The following HECA variants were observed in gnomAD, a reference collection of about 807,000 sequenced individuals.
HECA encodes headcase protein homolog.
Under a neutral mutation model 37.6 loss-of-function variants are expected in HECA, and 13 were observed. That is an observed-to-expected ratio of 0.35 (90% confidence interval 0.23 to 0.55). The LOEUF (loss-of-function observed/expected upper bound fraction) is 0.55. Ranked by LOEUF, HECA falls within the 20% of genes least tolerant of loss-of-function variation. The pLI is 0.90. For missense variants in HECA, 527 were observed against 701.9 expected (o/e 0.75, Z 2.82); for synonymous variants, 307 against 291.5 (o/e 1.05, Z -0.54).
rs181657401 is a variant in HECA, at chr6:139,140,983, G to T, written c.271+5316G>T. 1.8e-3 allele frequency among the ~76,000 whole-genome samples: 274 copies of T among 152,236 alleles called. 3 individuals carry two copies. The highest frequency in any genetic ancestry group is 3.0e-3 in the Non-Finnish European group (201 of 68,024). On this transcript the variant is annotated intron_variant, in intron 1 of 3. Coordinates refer to ENST00000367658, the MANE Select transcript of HECA (RefSeq NM_016217.3). The stretch of plus-strand genomic sequence containing the variant: ...TTTTTTGTATTTTTAGTAGAGACAG[G>T]GTTTCTCCGTGTTAGCCAGGATGGT...
chr6:139,169,546 G>A (rs1485503416), intron 2 of HECA: 18 of 152,188 alleles, frequency 1.2e-4, no homozygotes, highest in Non-Finnish European at 2.9e-5. Context: ...CCTTTATCTT[G>A]TAGCATTTGT....
rs1380380608 is a variant in HECA at position 139,177,093 on chromosome 6, C to T, written c.1620C>T (p.Leu540=). The T allele has an allele frequency of 1.5e-5, 13 of 853,642 alleles. No homozygotes were observed. The highest frequency in any genetic ancestry group is 2.4e-5 in the East Asian group (1 of 41,194). 52.9% of individuals were successfully genotyped at this position (853,642 alleles called of 1,614,324 possible). The change falls in exon 4 of 4, where the codon CTC becomes CTT. Residue 540 remains leucine, a synonymous_variant. Coordinates refer to ENST00000367658, the MANE Select transcript of HECA (RefSeq NM_016217.3). The surrounding 1 kb of genome is among the most constrained non-coding windows in gnomAD (Gnocchi z 4.9). The part of the protein sequence containing the change: ...FVKPFSSFKV[L]EAY ...AGCCATTTTCCTCCTTCAAAGTTCT[C>T]GAAGCTTATTGATGAAAGCTTTGCT...
intron 1 of HECA, among the ~76,000 whole-genome samples, chr6:139,139,629 G>T (rs1774490520): frequency 6.6e-6 from 1 of 152,166 alleles, no homozygotes; most frequent in Non-Finnish European, 1.5e-5. Flanking sequence ...ATCCTCTCTT[G>T]GGGGAGCTCT....
chr6:139,137,556 T>G lies in HECA; in HGVS notation c.271+1889T>G, dbSNP rs1774463617. Reference sequence around the variant, plus strand: ...ATCCAGCGGTAATCAAGACGAGACATCCCGGTCCTCAGGGAGCTTGCATTC... The same window carrying G: ...ATCCAGCGGTAATCAAGACGAGACAGCCCGGTCCTCAGGGAGCTTGCATTC... On this transcript the variant is annotated intron_variant, in intron 1 of 3. Transcript: ENST00000367658. Among the ~76,000 whole-genome samples the G allele has an allele frequency of 4.0e-5, 6 of 151,276 alleles. 1 individual carries two copies. The South Asian group carries it at 1.3e-3, about 32-fold the overall frequency.
At chr6:139,160,941 A>T (rs1233690827) in intron 1 of HECA, among the ~76,000 whole-genome samples, 4 of 152,194 alleles carry the variant, frequency 2.6e-5, no homozygotes, top group Non-Finnish European at 5.9e-5. Context: ...GAGGAAACAA[A>T]ACTGCTCAAT....
intron 1 of HECA, chr6:139,153,157 A>G (rs1348671388): frequency 2.0e-5 from 3 of 152,206 alleles, no homozygotes; most frequent in Non-Finnish European, 4.4e-5. Flanking sequence ...GAATGTGTGT[A>G]TGATGTGATC....
chr6:139,176,879 T>C lies in HECA; in HGVS notation c.1468-62T>C, dbSNP rs1362028223. 1.2e-6 allele frequency: 1 copy of C among 806,170 alleles called. No individual in the cohort carries two copies. The highest frequency in any genetic ancestry group is 2.2e-6 in the Non-Finnish European group (1 of 457,886). The allele number at this position is 806,170 out of a possible 1,614,324, so 49.9% of individuals were successfully genotyped here. On this transcript the variant is annotated intron_variant, in intron 3 of 3. Transcript: ENST00000367658. The surrounding 1 kb of genome is among the most constrained non-coding windows in gnomAD (Gnocchi z 4.5). ...CAGTTTCCCAGCATTTTGGTTTGGATGACTTTGACAAGTGTTGGGAAGTGG... is the reference window on the plus strand; with the variant it reads ...CAGTTTCCCAGCATTTTGGTTTGGACGACTTTGACAAGTGTTGGGAAGTGG...
In HECA at chr6:139,176,852, A is replaced by T; in HGVS notation, c.1468-89A>T. 1.3e-6 allele frequency: 1 copy of T among 753,310 alleles called. No individual in the cohort carries two copies. Among genetic ancestry groups the T allele is most frequent in the South Asian group, 1.6e-5 (1 of 62,000 alleles). The allele number at this position is 753,310 out of a possible 1,614,324, so 46.7% of individuals were successfully genotyped here. On this transcript the variant is annotated intron_variant, in intron 3 of 3. Coordinates refer to ENST00000367658, the MANE Select transcript of HECA (RefSeq NM_016217.3). This position sits in a 1 kb window ranked among gnomAD's most constrained non-coding sequence, Gnocchi z 4.5. ...AAAGGGATGCTTTGCAAAGCCCTTG[A>T]TCAGTTTCCCAGCATTTTGGTTTGG...
intron 3 of HECA, among the ~76,000 whole-genome samples, chr6:139,175,336 G>A (rs1477424765): frequency 2.0e-5 from 3 of 152,134 alleles, no homozygotes; most frequent in Non-Finnish European, 2.9e-5. Flanking sequence ...TGGTTTTTTA[G>A]TACAAATAGC....
At chr6:139,169,006 T>C (rs1011252847) in intron 2 of HECA, among the ~76,000 whole-genome samples, 1 of 152,232 alleles carries the variant, frequency 6.6e-6, no homozygotes, top group African/African-American at 2.4e-5. Flanking sequence ...TTTCTTCATA[T>C]ATCCCTAATG....
At chr6:139,163,026 C>T (rs1363263612) in intron 1 of HECA, among the ~76,000 whole-genome samples, 1 of 152,222 alleles carries the variant, frequency 6.6e-6, no homozygotes, top group Admixed American at 6.5e-5. Context: ...CTACCTCTGA[C>T]CTGCCCTCCA....
intron 1 of HECA, among the ~76,000 whole-genome samples, chr6:139,149,869 T>C (rs1774630928): frequency 6.6e-6 from 1 of 152,188 alleles, no homozygotes; most frequent in South Asian, 2.1e-4. Context: ...TGGGATTCTT[T>C]TGTTGTGATC....
intron 2 of HECA, among the ~76,000 whole-genome samples, chr6:139,167,741 A>C (rs1582947304): frequency 6.6e-6 from 1 of 152,180 alleles, no homozygotes; most frequent in African/African-American, 2.4e-5. Context: ...GTATTTTTAG[A>C]TTAGTTGAAT....
Position 139,176,888 on chromosome 6 carries a change from CA to C in HECA, c.1468-51del. ...AGCATTTTGGTTTGGATGACTTTGACAAGTGTTGGGAAGTGGAGGGGTGTTG... is the reference window on the plus strand; with the variant it reads ...AGCATTTTGGTTTGGATGACTTTGACAGTGTTGGGAAGTGGAGGGGTGTTG... On this transcript the variant is annotated intron_variant, in intron 3 of 3. Coordinates refer to ENST00000367658, the MANE Select transcript of HECA (RefSeq NM_016217.3). This position sits in a 1 kb window ranked among gnomAD's most constrained non-coding sequence, Gnocchi z 4.5. 1.2e-6 allele frequency: 1 copy of C among 825,794 alleles called. No individual in the cohort carries two copies. The highest frequency in any genetic ancestry group is 2.1e-6 in the Non-Finnish European group (1 of 469,248). The allele number at this position is 825,794 out of a possible 1,614,324, so 51.2% of individuals were successfully genotyped here.
chr6:139,175,182 C>G (rs762454246), intron 3 of HECA, among the ~76,000 whole-genome samples: 28 of 152,098 alleles, frequency 1.8e-4, no homozygotes, highest in Non-Finnish European at 2.9e-5. Flanking sequence ...ACACAAATAA[C>G]CTATAGAATC....
chr6:139,172,727 A>T (rs1346592155), intron 2 of HECA, among the ~76,000 whole-genome samples: 1 of 152,242 alleles, frequency 6.6e-6, no homozygotes, highest in African/African-American at 2.4e-5. Flanking sequence ...TCCGAGAGAC[A>T]TGAATCAGTC....
chr6:139,140,786 A>C (rs1298589981), intron 1 of HECA, among the ~76,000 whole-genome samples: 1 of 152,012 alleles, frequency 6.6e-6, no homozygotes, highest in Non-Finnish European at 1.5e-5. Flanking sequence ...TTGATCAGCA[A>C]CTCTTTGGCA....
chr6:139,155,815 A>G (rs573546809), intron 1 of HECA: 1 of 152,354 alleles, frequency 6.6e-6, no homozygotes, highest in South Asian at 2.1e-4. Context: ...GTGTGATCCC[A>G]TTATATGCAA....
In HECA at chr6:139,136,111, G is replaced by C. The variant is rs1333935852; in HGVS notation, c.271+444G>C. Among the ~76,000 whole-genome samples, 4 of 151,724 alleles carry C rather than the reference G, an allele frequency of 2.6e-5. No individual in the cohort carries two copies. The East Asian group carries it at 5.8e-4, about 22-fold the overall frequency. Reference sequence around the variant, plus strand: ...CGTAACCCCCGGAATGAAGGAGAGAGAGCCTCAATTCTTAGCACACCCAGG... The same window carrying C: ...CGTAACCCCCGGAATGAAGGAGAGACAGCCTCAATTCTTAGCACACCCAGG... On this transcript the variant is annotated intron_variant, in intron 1 of 3. Transcript: ENST00000367658.
Sources: allele counts gnomAD v4.1 joint callset (sites outside exome capture counted in the v4.1 genomes callset), GRCh38; gene constraint gnomAD v4.1.1; non-coding constraint Gnocchi (gnomAD v3.1); transcripts MANE v1.5; gene names NCBI Gene and HGNC (gene_info 2026-07-23, HGNC 2026-07-21).